CYP2C8: variants seen among roughly 807,000 people sequenced by gnomAD.
The protein encoded by CYP2C8 is cytochrome P450 2C8.
A neutral mutation model predicts 41.3 loss-of-function variants in CYP2C8; 51 were observed. The observed-to-expected ratio is 1.24, with a 90% CI of 0.99 to 1.56. CYP2C8 has a LOEUF of 1.56. Among genes scored for constraint, CYP2C8 ranks in the 40% most tolerant of loss-of-function variants. CYP2C8 has a pLI of 0.00. For synonymous variants in CYP2C8, 218 were observed against 205.8 expected, an observed-to-expected ratio of 1.06 and a Z score of -0.51; for missense variants, 651 against 579.9, an observed-to-expected ratio of 1.12 and a Z score of -1.26.
At position 95,067,711 on chromosome 10, in the gene CYP2C8, T is replaced by C; in HGVS notation, c.169-20A>G. On this transcript the variant is annotated intron_variant, in intron 1 of 8. Transcript: ENST00000371270. The stretch of plus-strand genomic sequence containing the variant: ...TGAGAACTGGGAAAGGAAATGCAAA[T>C]AGCAGCAAAATAAGTCGCTATTTGC... The C allele has an allele frequency of 1.2e-6, 2 of 1,613,544 alleles. No individual in the cohort carries two copies. The highest frequency in any genetic ancestry group is 8.5e-7 in the Non-Finnish European group (1 of 1,179,634).
intron 5 of CYP2C8, 36 bp from the exon 6 acceptor site, chr10:95,045,987 T>C: frequency 6.2e-7 from 1 of 1,611,462 alleles, no homozygotes. Flanking sequence ...TGACAAATTA[T>C]GTGCCAGTAT....
chr10:95,041,442 G>A lies in CYP2C8; in HGVS notation c.1149+1448C>T, dbSNP rs1000200174. Among the ~76,000 whole-genome samples the A allele has an allele frequency of 3.9e-5, 6 of 152,276 alleles. No homozygotes were observed. The East Asian group carries it at 1.2e-3, about 29-fold the overall frequency. On this transcript the variant is annotated intron_variant, in intron 7 of 8. Transcript: ENST00000371270. ...CCTTACTGCACAACTTTTCTCCAAA[G>A]TGTTTGTCTTTTAGAACAGCCAGAA...
Position 95,046,169 on chromosome 10 carries a change from C to T in CYP2C8, c.820-218G>A, listed in dbSNP as rs138289287. Among the ~76,000 whole-genome samples the T allele has an allele frequency of 2.8e-4, 42 of 152,272 alleles. No individual in the cohort carries two copies. In the East Asian group the frequency reaches 3.3e-3, roughly 12 times the overall value. ...TACAAGTTCCATTCATGAAATCATT[C>T]GCTGCTTAGGTTAGTCACACAGAAT... is the stretch of plus-strand genomic sequence containing the variant. On this transcript the variant is annotated intron_variant, in intron 5 of 8. Coordinates refer to ENST00000371270, the MANE Select transcript of CYP2C8 (RefSeq NM_000770.3).
At chr10:95,069,196 C>T (rs368939862) in intron 1 of CYP2C8, 39 bp downstream of exon 1, 5 of 1,611,636 alleles carry the variant, frequency 3.1e-6, no homozygotes, top group African/African-American at 2.7e-5. Context: ...AAATAACTTA[C>T]CCTTTGCAAT....
Position 95,042,904 on chromosome 10 carries a change from AGTTTCTGAACTTAG to A in CYP2C8, c.1121_1134del (p.Thr374IlefsTer19). On this transcript the variant is annotated frameshift_variant, in exon 7 of 9. Coordinates refer to ENST00000371270, the MANE Select transcript of CYP2C8 (RefSeq NM_000770.3). LOFTEE classifies it high-confidence loss of function. ...AACAAGCTTACCTTGGGGATGAGGT[AGTTTCTGAACTTAG>A]TATCAGTGGTCACTGCATGGGGCAC... The A allele has an allele frequency of 6.2e-7, 1 of 1,613,542 alleles. No individual in the cohort carries two copies. Among genetic ancestry groups the A allele is most frequent in the Non-Finnish European group, 8.5e-7 (1 of 1,179,422 alleles).
intron 4 of CYP2C8, among the ~76,000 whole-genome samples, chr10:95,061,558 G>A (rs1171261911): frequency 2.0e-5 from 3 of 151,966 alleles, no homozygotes; most frequent in Non-Finnish European, 4.4e-5. Flanking sequence ...CTTCCTAATG[G>A]TCTATCAATT....
chr10:95,059,138 T>C (rs2033371400), intron 4 of CYP2C8, among the ~76,000 whole-genome samples: 1 of 152,224 alleles, frequency 6.6e-6, no homozygotes, highest in Admixed American at 6.5e-5. Flanking sequence ...GCATGACTTA[T>C]AATCCTTAGG....
chr10:95,044,379 C>G (rs1195113654), intron 6 of CYP2C8, among the ~76,000 whole-genome samples: 1 of 152,060 alleles, frequency 6.6e-6, no homozygotes, highest in East Asian at 1.9e-4. Flanking sequence ...TTAATTTTCC[C>G]TTTACTTCTG....
intron 3 of CYP2C8, among the ~76,000 whole-genome samples, 199 bp from the exon 4 acceptor site, chr10:95,065,159 A>G (rs539909303): frequency 6.6e-6 from 1 of 152,346 alleles, no homozygotes; most frequent in Non-Finnish European, 1.5e-5. Flanking sequence ...GGCTAGCTAA[A>G]CAATGTCATT....
chr10:95,053,792 C>T (rs918770122), intron 5 of CYP2C8, among the ~76,000 whole-genome samples: 9 of 152,024 alleles, frequency 5.9e-5, no homozygotes, highest in African/African-American at 1.7e-4. Flanking sequence ...GGAGGGAGAG[C>T]ACTGGGACAA....
At chr10:95,066,153 AGTGTGT>A (rs113983526) in intron 3 of CYP2C8, among the ~76,000 whole-genome samples, 6,407 of 87,528 alleles carry the variant, frequency 0.073, 259 homozygotes, top group East Asian at 0.23. Flanking sequence ...AGAGAGAGAG[AGTGTGT>A]GTGTGTGTGT....
At position 95,067,649 on chromosome 10, in the gene CYP2C8, T is replaced by C. The variant is rs2033600506; in HGVS notation, c.211A>G (p.Met71Val). ...CCATGAAACACCACTATGGGATTCA[T>C]GCCAAAATACACGGTGAACACAGGA... ...YGPVFTVYFGMNPIVVFHGYE... is the reference protein window; with the variant it reads ...YGPVFTVYFGVNPIVVFHGYE... Residue 71 changes from methionine to valine, a missense_variant, in exon 2 of 9, where the codon ATG (methionine) becomes GTG (valine). Physicochemically the swap from Met to Val is conservative, Grantham distance 21. Coordinates refer to ENST00000371270, the MANE Select transcript of CYP2C8 (RefSeq NM_000770.3). 1.2e-6 allele frequency: 2 copies of C among 1,614,174 alleles called. No individual in the cohort carries two copies. The highest frequency in any genetic ancestry group is 1.7e-6 in the Non-Finnish European group (2 of 1,180,038).
chr10:95,041,025 G>C (rs1281985757), intron 7 of CYP2C8: 1 of 455,242 alleles, frequency 2.2e-6, no homozygotes, highest in Non-Finnish European at 4.4e-6. Context: ...CAGAAGTCCT[G>C]AACAATAAGT....
At chr10:95,039,186 G>C (rs1047375519) in intron 7 of CYP2C8, 148 bp from the exon 8 acceptor site, 4 of 721,694 alleles carry the variant, frequency 5.5e-6, no homozygotes, top group Non-Finnish European at 9.7e-6. Context: ...ATGAGCTTAA[G>C]GCCAGTGGTG....
chr10:95,050,374 G>T (rs888772852), intron 5 of CYP2C8, among the ~76,000 whole-genome samples: 3 of 152,192 alleles, frequency 2.0e-5, no homozygotes, highest in African/African-American at 7.2e-5. Flanking sequence ...ACACAGGCCT[G>T]GCTGGATTCA....
At chr10:95,037,697 G>A (rs940532644) in intron 8 of CYP2C8, among the ~76,000 whole-genome samples, 7 of 152,100 alleles carry the variant, frequency 4.6e-5, no homozygotes, top group African/African-American at 1.7e-4. Flanking sequence ...CCTGTTCCAA[G>A]CCTGATATTC....
At chr10:95,041,136 G>C (rs2032986384) in intron 7 of CYP2C8, among the ~76,000 whole-genome samples, 1 of 151,956 alleles carries the variant, frequency 6.6e-6, no homozygotes, top group Non-Finnish European at 1.5e-5. Flanking sequence ...GAATCAATTT[G>C]ATAAAATTGC....
At chr10:95,049,415 A>G (rs1397117425) in intron 5 of CYP2C8, among the ~76,000 whole-genome samples, 2 of 152,182 alleles carry the variant, frequency 1.3e-5, no homozygotes, top group Admixed American at 6.5e-5. Flanking sequence ...CAGCAGTGGC[A>G]TGGTTCAGAG....
intron 4 of CYP2C8, among the ~76,000 whole-genome samples, chr10:95,060,199 T>A (rs1325956342): frequency 6.6e-6 from 1 of 151,758 alleles, no homozygotes; most frequent in Non-Finnish European, 1.5e-5. Context: ...TGGTGCTTGA[T>A]GGGGATGGCA....
Sources: gnomAD v4.1 joint callset for allele counts (sites outside exome capture counted in the v4.1 genomes callset) on GRCh38, gnomAD v4.1.1 for gene constraint, MANE v1.5 for transcripts, NCBI Gene and HGNC (gene_info 2026-07-23, HGNC 2026-07-21) for gene names.